Variants in FHIT observed in about 807,000 individuals in gnomAD.
The protein encoded by FHIT is bis(5'-adenosyl)-triphosphatase.
FHIT carries 19 observed loss-of-function variants against 17.9 expected under a neutral mutation model. The ratio of observed to expected loss-of-function variants is 1.06; its 90% CI spans 0.74 to 1.56. FHIT has a LOEUF of 1.56. Ranked by LOEUF, FHIT falls within the 40% of genes most tolerant of loss-of-function variation. The pLI is 0.00. For synonymous variants in FHIT, 81 were observed against 69.7 expected, an observed-to-expected ratio of 1.16 and a Z score of -0.81; for missense variants, 248 against 189.2, an observed-to-expected ratio of 1.31 and a Z score of -1.82.
intron 5 of FHIT, among the ~76,000 whole-genome samples, chr3:60,123,665 T>C (rs1285727906): frequency 6.6e-6 from 1 of 152,162 alleles, no homozygotes; most frequent in African/African-American, 2.4e-5. Flanking sequence ...CAATCACTGC[T>C]GTCAGTGCTT....
At chr3:60,232,908 T>G (rs952856822) in intron 5 of FHIT, among the ~76,000 whole-genome samples, 1 of 152,200 alleles carries the variant, frequency 6.6e-6, no homozygotes, top group Non-Finnish European at 1.5e-5. Flanking sequence ...AAGGAAATAC[T>G]GTCAACTTTT....
At chr3:59,963,512 T>C (rs1290573004) in intron 7 of FHIT, among the ~76,000 whole-genome samples, 1 of 151,950 alleles carries the variant, frequency 6.6e-6, no homozygotes, top group Non-Finnish European at 1.5e-5. Context: ...TATCACAGAA[T>C]TAGAACTTGA....
intron 5 of FHIT, among the ~76,000 whole-genome samples, chr3:60,354,155 T>C (rs1057280203): frequency 6.6e-6 from 1 of 152,156 alleles, no homozygotes; most frequent in Non-Finnish European, 1.5e-5. Flanking sequence ...GCTTGTAACA[T>C]ATTAAATGAA....
intron 5 of FHIT, among the ~76,000 whole-genome samples, chr3:60,201,186 A>G (rs1576299021): frequency 6.6e-6 from 1 of 152,184 alleles, no homozygotes; most frequent in East Asian, 1.9e-4. Context: ...AACAACACGT[A>G]TGTTCCACTG....
intron 5 of FHIT, among the ~76,000 whole-genome samples, chr3:60,027,664 C>G (rs1700808587): frequency 6.6e-6 from 1 of 151,280 alleles, no homozygotes; most frequent in Admixed American, 6.6e-5. Flanking sequence ...AAACCACAAG[C>G]GTTCTCCCTG....
At chr3:60,503,313 C>A (rs2034595874) in intron 5 of FHIT, among the ~76,000 whole-genome samples, 1 of 152,108 alleles carries the variant, frequency 6.6e-6, no homozygotes, top group South Asian at 2.1e-4. Context: ...TGTTTTTCCA[C>A]TTTGCTTTTG....
intron 5 of FHIT, among the ~76,000 whole-genome samples, chr3:60,530,167 T>A (rs912483448): frequency 2.0e-5 from 3 of 152,108 alleles, no homozygotes; most frequent in African/African-American, 7.2e-5. Flanking sequence ...AAAACTATCA[T>A]TAAGCAACAG....
At chr3:61,111,113 GT>G (rs2036146071) in intron 2 of FHIT, among the ~76,000 whole-genome samples, 1 of 152,156 alleles carries the variant, frequency 6.6e-6, no homozygotes, top group Non-Finnish European at 1.5e-5. Flanking sequence ...TTAGCATGCT[GT>G]CAAAAGGTTT....
At chr3:60,856,388 G>C (rs1703382691) in intron 3 of FHIT, 1 of 152,014 alleles carries the variant, frequency 6.6e-6, no homozygotes, top group Non-Finnish European at 1.5e-5. Context: ...TTAAAATGAA[G>C]ATCACTCAGA....
At chr3:61,212,218 A>T (rs960428445) in intron 1 of FHIT, among the ~76,000 whole-genome samples, 43 of 152,228 alleles carry the variant, frequency 2.8e-4, no homozygotes, top group African/African-American at 8.7e-4. Context: ...TAAAGGAGGA[A>T]ATTCAAACCA....
intron 5 of FHIT, among the ~76,000 whole-genome samples, chr3:60,080,549 C>G (rs1703232496): frequency 6.6e-6 from 1 of 152,074 alleles, no homozygotes; most frequent in Non-Finnish European, 1.5e-5. Flanking sequence ...ATTCACCAAA[C>G]ATTTACTAAG....
intron 3 of FHIT, among the ~76,000 whole-genome samples, chr3:60,942,559 TTCTC>T (rs139616033): frequency 1.5e-4 from 22 of 150,602 alleles, no homozygotes; most frequent in Middle Eastern, 3.4e-3. Flanking sequence ...CTGTTTGTAT[TTCTC>T]TCTCTCTCTC....
intron 8 of FHIT, among the ~76,000 whole-genome samples, chr3:59,852,244 A>T (rs1701971241): frequency 6.6e-6 from 1 of 152,164 alleles, no homozygotes; most frequent in African/African-American, 2.4e-5. Context: ...AGAGTAGAGC[A>T]AGAGAACGAA....
chr3:60,456,400 G>A (rs1276298493), intron 5 of FHIT, among the ~76,000 whole-genome samples: 1 of 152,130 alleles, frequency 6.6e-6, no homozygotes, highest in Non-Finnish European at 1.5e-5. Context: ...TCACTTTCAT[G>A]CTGACTTCAG....
intron 4 of FHIT, among the ~76,000 whole-genome samples, chr3:60,706,889 T>C (rs1553703701): frequency 6.6e-6 from 1 of 152,228 alleles, no homozygotes; most frequent in African/African-American, 2.4e-5. Flanking sequence ...TTCCAAGTTA[T>C]ACAATTGTGG....
chr3:59,853,615 G>A (rs1173217495), intron 8 of FHIT, among the ~76,000 whole-genome samples: 2 of 152,106 alleles, frequency 1.3e-5, no homozygotes, highest in Non-Finnish European at 2.9e-5. Flanking sequence ...AAATTAAGAA[G>A]TGAAGAATTT....
At chr3:59,851,268 A>T (rs1701922687) in intron 8 of FHIT, among the ~76,000 whole-genome samples, 1 of 152,214 alleles carries the variant, frequency 6.6e-6, no homozygotes. Flanking sequence ...TAGAACTTTT[A>T]TGGCTCATTA....
intron 3 of FHIT, among the ~76,000 whole-genome samples, chr3:60,860,397 A>G (rs1451809337): frequency 7.0e-6 from 1 of 143,292 alleles, no homozygotes; most frequent in African/African-American, 2.6e-5. Context: ...CATCATATGT[A>G]TATATGACAT....
intron 3 of FHIT, among the ~76,000 whole-genome samples, chr3:60,875,849 G>T (rs370187748): frequency 3.3e-5 from 5 of 151,466 alleles, no homozygotes; most frequent in African/African-American, 4.8e-5. Flanking sequence ...ACATAGAATT[G>T]AGAAGACAGC....
Sources: gnomAD v4.1 joint callset for allele counts (sites outside exome capture counted in the v4.1 genomes callset) on GRCh38, gnomAD v4.1.1 for gene constraint, MANE v1.5 for transcripts, NCBI Gene and HGNC (gene_info 2026-07-23, HGNC 2026-07-21) for gene names.